Variants in MIIP observed in about 807,000 individuals in gnomAD.
MIIP encodes migration and invasion inhibitory protein.
Under a neutral mutation model 44.8 loss-of-function variants are expected in MIIP, and 44 were observed. That is an observed-to-expected ratio of 0.98 (90% CI 0.77 to 1.26). The LOEUF (loss-of-function observed/expected upper bound fraction) is 1.26, where lower values mean the gene tolerates loss of function less well. MIIP is among the 50% of genes most tolerant of loss of function. The pLI is 0.00. For missense variants in MIIP, 496 were observed against 511.7 expected (o/e 0.97, Z 0.30); for synonymous variants, 225 against 218.3 (o/e 1.03, Z -0.27).
chr1:12,022,081 G>C lies in MIIP; in HGVS notation c.115-14G>C. ...TGGCAGCCACTCCCTGGGTGACCCG[G>C]CCCCTCTCTCCAGTCAAGCCTGGAA... On this transcript the variant is annotated splice_polypyrimidine_tract_variant and intron_variant, in intron 2 of 9. Coordinates refer to ENST00000235332, the MANE Select transcript of MIIP (RefSeq NM_021933.4). 1 of 1,610,056 alleles carries C rather than the reference G, an allele frequency of 6.2e-7. No individual in the cohort carries two copies. The highest frequency in any genetic ancestry group is 8.5e-7 in the Non-Finnish European group (1 of 1,177,968).
chr1:12,025,813 T>A (rs1224214250), intron 4 of MIIP, among the ~76,000 whole-genome samples: 1 of 152,154 alleles, frequency 6.6e-6, no homozygotes, highest in African/African-American at 2.4e-5. Flanking sequence ...CAATTCTTCC[T>A]CAGCCTCCCA....
At chr1:12,021,172 A>G (rs1052352805) in intron 1 of MIIP, among the ~76,000 whole-genome samples, 1 of 151,958 alleles carries the variant, frequency 6.6e-6, no homozygotes, top group Non-Finnish European at 1.5e-5. Flanking sequence ...AGGCAGGCGG[A>G]TCACAAGGTC....
rs547849955 is a variant in MIIP at position 12,026,227 on chromosome 1, T to C, written c.548-2806T>C. 8.9e-4 allele frequency among the ~76,000 whole-genome samples: 135 copies of C among 152,124 alleles called. 1 individual carries two copies. Among genetic ancestry groups the C allele is most frequent in the Non-Finnish European group, 1.7e-3 (113 of 67,962 alleles). On this transcript the variant is annotated intron_variant, in intron 4 of 9. Transcript: ENST00000235332. ...CGCTGAGGCAGGAGAATCATTTGAA[T>C]CCAGGAAGTGGAGGCTGCAGTGAGC...
In MIIP at chr1:12,029,888, A is replaced by C. The variant is rs769985165; in HGVS notation, c.839A>C (p.His280Pro). The C allele has an allele frequency of 1.9e-6, 3 of 1,612,704 alleles. No homozygotes were observed. The highest frequency in any genetic ancestry group is 2.5e-6 in the Non-Finnish European group (3 of 1,179,226). The part of the protein sequence containing the change: ...QGPGTLAQPA[H>P]VRVSIPLSIL... ...CCTGGGACCCTGGCGCAGCCAGCGC[A>C]CGTCAGGTGAGTGACCAGAGTATTG... Residue 280 changes from histidine to proline, a missense_variant, in exon 7 of 10, where the codon CAC becomes CCC. Physicochemically the swap from His to Pro is moderately conservative, Grantham distance 77. Transcript: ENST00000235332.
chr1:12,029,226 C>G lies in MIIP; in HGVS notation c.660C>G (p.Pro220=). ...CTCATCCCCCTCGCCCTCTCAGACC[C>G]CAGTTGCCAGGCCTGCGTGAGAGCA... ...KEECICSHPE[P]QLPGLRESSG... is the part of the protein sequence containing the mutation. Residue 220 remains proline, a synonymous_variant, in exon 6 of 10, where the codon CCC becomes CCG. Coordinates refer to ENST00000235332, the MANE Select transcript of MIIP (RefSeq NM_021933.4). The G allele has an allele frequency of 6.2e-7, 1 of 1,613,698 alleles. No individual in the cohort carries two copies. The highest frequency in any genetic ancestry group is 8.5e-7 in the Non-Finnish European group (1 of 1,179,874).
intron 3 of MIIP, 61 bp from the exon 4 acceptor site, chr1:12,022,772 C>T (rs750847658): frequency 2.8e-5 from 36 of 1,305,338 alleles, no homozygotes; most frequent in East Asian, 4.9e-5. Context: ...CCTCGAATTG[C>T]GGCTTCCTCT....
chr1:12,031,101 GA>G (rs1640230600), intron 8 of MIIP, 164 bp from the exon 9 acceptor site: 1 of 808,904 alleles, frequency 1.2e-6, no homozygotes, highest in Admixed American at 3.0e-5. Context: ...GATCTGCCAG[GA>G]TAAGAAAGGG....
At chr1:12,026,662 G>C (rs1166222300) in intron 4 of MIIP, among the ~76,000 whole-genome samples, 2 of 152,192 alleles carry the variant, frequency 1.3e-5, no homozygotes, top group East Asian at 3.9e-4. Flanking sequence ...GGAGCTGGTT[G>C]TATCTCATGC....
rs137952631 is a variant in MIIP, at chr1:12,030,076, C to A, written c.894C>A (p.Ile298=). The A allele has an allele frequency of 9.9e-6, 16 of 1,613,392 alleles. No homozygotes were observed. The African/African-American group carries it at 2.1e-4, about 22-fold the overall frequency. ...SILEPPHRYH[I]HRRKSFDASD... ...TGGAGCCCCCGCACCGGTACCACAT[C>A]CACCGGCGAAAGAGCTTTGACGCCT... Residue 298 remains isoleucine, a synonymous_variant, in exon 8 of 10, where the codon ATC becomes ATA. Transcript: ENST00000235332.
intron 4 of MIIP, chr1:12,024,043 G>A (rs1473893129): frequency 1.3e-5 from 2 of 152,168 alleles, no homozygotes; most frequent in Non-Finnish European, 2.9e-5. Flanking sequence ...TGAGAAGAAG[G>A]GGGAAAGAGT....
chr1:12,024,295 C>T (rs1640054576), intron 4 of MIIP, among the ~76,000 whole-genome samples: 1 of 152,210 alleles, frequency 6.6e-6, no homozygotes. Context: ...TTGTCCAGCT[C>T]TCCCCGACAG....
rs748496731 is a variant in MIIP at position 12,022,276 on chromosome 1, A to G, written c.296A>G (p.Lys99Arg). 26 of 1,613,660 alleles carry G rather than the reference A, an allele frequency of 1.6e-5. No homozygotes were observed. Among genetic ancestry groups the G allele is most frequent in the African/African-American group, 2.7e-5 (2 of 74,882 alleles). Residue 99 changes from lysine (K) to arginine (R), a missense_variant, in exon 3 of 10, where the codon AAA becomes AGA. Coordinates refer to ENST00000235332, the MANE Select transcript of MIIP (RefSeq NM_021933.4). ...GGGGTGGCCTCTCTCCCACCTGCCA[A>G]ATGCCAGCACCAGGAGTCCCTGGGC... The part of the protein sequence containing the change: ...RSGVASLPPA[K>R]CQHQESLGRP...
At position 12,031,943 on chromosome 1, in the gene MIIP, CA is replaced by C; in HGVS notation, c.*137del. 1.2e-6 allele frequency: 1 copy of C among 810,392 alleles called. No homozygotes were observed. The highest frequency in any genetic ancestry group is 2.0e-6 in the Non-Finnish European group (1 of 511,672). 50.2% of individuals were successfully genotyped at this position (810,392 alleles called of 1,614,324 possible). ...CCTAGGTTGGGCAGGTGGGTGGACC[CA>C]AGCTTGTCTGCTGCCTGAGTTCCAG... On this transcript the variant is annotated 3_prime_UTR_variant, in exon 10 of 10. Coordinates refer to ENST00000235332, the MANE Select transcript of MIIP (RefSeq NM_021933.4).
At position 12,022,199 on chromosome 1, in the gene MIIP, G is replaced by T. The variant is rs370321738; in HGVS notation, c.219G>T (p.Val73=). 50 of 1,613,374 alleles carry T rather than the reference G, an allele frequency of 3.1e-5. No individual in the cohort carries two copies. Among genetic ancestry groups the T allele is most frequent in the Non-Finnish European group, 4.1e-5 (48 of 1,179,752 alleles). ...STSCPRGRSS[V]WGPPDACRGD... is the part of the protein sequence containing the mutation. ...CCTGCCCACGGGGCCGGTCCTCCGT[G>T]TGGGGCCCACCAGATGCCTGTCGAG... The change falls in exon 3 of 10, where the codon GTG becomes GTT. Residue 73 remains valine, a synonymous_variant. Transcript: ENST00000235332.
chr1:12,030,540 T>C (rs530231113), intron 8 of MIIP, among the ~76,000 whole-genome samples: 1 of 144,716 alleles, frequency 6.9e-6, no homozygotes, highest in African/African-American at 2.5e-5. Context: ...CCTAGGTCTC[T>C]GTGCTGCTGC....
Position 12,022,817 on chromosome 1 carries a change from G to C in MIIP, c.463-16G>C. The stretch of plus-strand genomic sequence containing the variant: ...CTCTTGGCTTAGTCCTTGTCCCTCT[G>C]TGCTTCCTTCCTCAGCCCAGGGTGA... On this transcript the variant is annotated splice_polypyrimidine_tract_variant and intron_variant, in intron 3 of 9. Coordinates refer to ENST00000235332, the MANE Select transcript of MIIP (RefSeq NM_021933.4). 1.3e-6 allele frequency: 2 copies of C among 1,592,028 alleles called. No individual in the cohort carries two copies. The highest frequency in any genetic ancestry group is 2.3e-5 in the East Asian group (1 of 44,082).
intron 3 of MIIP, among the ~76,000 whole-genome samples, 154 bp from the exon 4 acceptor site, chr1:12,022,679 A>G (rs928403163): frequency 3.9e-5 from 6 of 152,212 alleles, no homozygotes; most frequent in Non-Finnish European, 7.3e-5. Context: ...AGTGGGGCCA[A>G]ACGTTTCCCT....
At position 12,031,184 on chromosome 1, in the gene MIIP, C is replaced by T. The variant is rs1348394074; in HGVS notation, c.943-82C>T. 5 of 1,495,526 alleles carry T rather than the reference C, an allele frequency of 3.3e-6. No homozygotes were observed. In the African/African-American group the frequency reaches 5.6e-5, roughly 17 times the overall value. 92.6% of individuals were successfully genotyped at this position (1,495,526 alleles called of 1,614,324 possible). ...GGGGCCTCCTTCCTAATGGGGGGCA[C>T]AGTTCCTCCCTGATGGGGGTGTGCC... On this transcript the variant is annotated intron_variant, in intron 8 of 9. Transcript: ENST00000235332.
chr1:12,021,342 C>A, intron 1 of MIIP, among the ~76,000 whole-genome samples: 1 of 149,958 alleles, frequency 6.7e-6, no homozygotes, highest in East Asian at 2.0e-4. Context: ...TGCAGTGAGC[C>A]GAGATTGCGC....
Sources: gnomAD v4.1 joint callset for allele counts (sites outside exome capture counted in the v4.1 genomes callset) on GRCh38, gnomAD v4.1.1 for gene constraint, MANE v1.5 for transcripts, NCBI Gene and HGNC (gene_info 2026-07-23, HGNC 2026-07-21) for gene names.